Variants in DGAT2L6 observed in about 807,000 individuals in gnomAD.
The protein encoded by DGAT2L6 is diacylglycerol O-acyltransferase 2 like 6, also known as diacylglycerol O-acyltransferase 2-like protein 6.
A neutral mutation model predicts 25.5 loss-of-function variants in DGAT2L6; 22 were observed. That is an observed-to-expected ratio of 0.86 (90% CI 0.62 to 1.23). The LOEUF is 1.23. Ranked by LOEUF, DGAT2L6 falls within the 50% of genes most tolerant of loss-of-function variation. DGAT2L6 has a pLI of 0.00. For missense variants in DGAT2L6, 287 were observed against 253.2 expected (o/e 1.13, Z -0.91); for synonymous variants, 100 against 94.7 (o/e 1.06, Z -0.32).
intron 1 of DGAT2L6, among the ~76,000 whole-genome samples, chrX:70,191,253 C>T (rs1278542225): frequency 9.0e-6 from 1 of 111,422 alleles, no homozygotes; most frequent in Non-Finnish European, 1.9e-5. Flanking sequence ...AGAACACAGA[C>T]AACTGAACAA....
intron 1 of DGAT2L6, among the ~76,000 whole-genome samples, chrX:70,188,753 T>C (rs1243517573): frequency 9.0e-6 from 1 of 110,704 alleles, no homozygotes; most frequent in Non-Finnish European, 1.9e-5. Context: ...AATCCAGCAA[T>C]ACATTACAAA....
At chrX:70,178,823 G>A (rs1353846216) in intron 1 of DGAT2L6, among the ~76,000 whole-genome samples, 3 of 112,218 alleles carry the variant, frequency 2.7e-5, no homozygotes, top group Middle Eastern at 4.6e-3. Context: ...AATAAACCAC[G>A]AAGTGTTAGG....
chrX:70,196,486 C>CAAAAAAAAAAAAAAAAA (rs751597708), intron 1 of DGAT2L6, among the ~76,000 whole-genome samples: 16 of 26,065 alleles, frequency 6.1e-4, no homozygotes, highest in Non-Finnish European at 9.1e-4. Flanking sequence ...GATCCTGTCT[C>CAAAAAAAAAAAAAAAAA]AAAAAAAAAA....
At chrX:70,185,488 C>T (rs189147030) in intron 1 of DGAT2L6, among the ~76,000 whole-genome samples, 14 of 112,074 alleles carry the variant, frequency 1.2e-4, no homozygotes, top group African/African-American at 4.2e-4. Context: ...TTCTTAGTTT[C>T]TTCATCTGTA....
At chrX:70,198,850 A>G (rs1267052582) in intron 1 of DGAT2L6, among the ~76,000 whole-genome samples, 3 of 112,134 alleles carry the variant, frequency 2.7e-5, no homozygotes, top group Non-Finnish European at 5.6e-5. Flanking sequence ...AACAGCCTGT[A>G]CACTGCGGGT....
intron 1 of DGAT2L6, among the ~76,000 whole-genome samples, chrX:70,198,809 GT>G (rs776820118): frequency 1.8e-4 from 20 of 111,881 alleles, no homozygotes; most frequent in Admixed American, 8.5e-4. Context: ...AAGTGGAGTG[GT>G]TTTTAATCCG....
At chrX:70,198,506 G>A (rs188543292) in intron 1 of DGAT2L6, among the ~76,000 whole-genome samples, 128 of 110,815 alleles carry the variant, frequency 1.2e-3, no homozygotes, top group Non-Finnish European at 2.0e-3. Context: ...ACCTGGCCTA[G>A]TAGGGCAGTT....
At chrX:70,190,438 A>G (rs1490803377) in intron 1 of DGAT2L6, among the ~76,000 whole-genome samples, 1 of 111,890 alleles carries the variant, frequency 8.9e-6, no homozygotes, top group Admixed American at 9.5e-5. Context: ...ACACCAAGGA[A>G]GGCTGTTTTG....
chrX:70,201,186 C>G (rs1383995395), intron 4 of DGAT2L6, among the ~76,000 whole-genome samples: 1 of 112,036 alleles, frequency 8.9e-6, no homozygotes, highest in Non-Finnish European at 1.9e-5. Context: ...CCAGAGGATG[C>G]TTCTACTCTG....
chrX:70,188,995 AC>A (rs1356748465), intron 1 of DGAT2L6, among the ~76,000 whole-genome samples: 1 of 104,565 alleles, frequency 9.6e-6, no homozygotes, highest in African/African-American at 3.7e-5. Flanking sequence ...AAAAAAAAAA[AC>A]CCTACAGTTA....
rs369983719 is a variant in DGAT2L6 at position 70,199,899 on chromosome X, G to A, written c.267+17G>A. The A allele has an allele frequency of 4.1e-5, 49 of 1,199,062 alleles. No individual in the cohort carries two copies. Among genetic ancestry groups the A allele is most frequent in the Non-Finnish European group, 4.5e-5 (40 of 887,679 alleles). On this transcript the variant is annotated intron_variant, in intron 3 of 6. Transcript: ENST00000333026. ...CCAGTAAAGGTGACCACTCTTCCTC[G>A]GGGTGCCCTCAGTCCCTGTTGCCCA...
In DGAT2L6 at chrX:70,205,041, A is replaced by G; in HGVS notation, c.949A>G (p.Lys317Glu). The G allele has an allele frequency of 8.3e-7, 1 of 1,207,386 alleles. No homozygotes were observed. The highest frequency in any genetic ancestry group is 1.1e-6 in the Non-Finnish European group (1 of 893,806). Residue 317 changes from lysine to glutamate, a missense_variant, in exon 7 of 7, where the codon AAG becomes GAG. Physicochemically the swap from Lys to Glu is moderately conservative, Grantham distance 56 (BLOSUM62 1). Transcript: ENST00000333026. ...CGCACTCTACATCAGTGCCCTGCGC[A>G]AGCTCTTTGACCAACACAAAGTTGA... Reference protein sequence around the residue: ...YHALYISALRKLFDQHKVEYG... With the variant: ...YHALYISALRELFDQHKVEYG...
chrX:70,200,571 A>G, intron 4 of DGAT2L6, 112 bp downstream of exon 4: 1 of 715,967 alleles, frequency 1.4e-6, no homozygotes, highest in Non-Finnish European at 2.1e-6. Context: ...AAATAAGTCC[A>G]GGACACCCTG....
chrX:70,199,819 G>T lies in DGAT2L6; in HGVS notation c.204G>T (p.Arg68Ser). ...TCCCTTCTGTACCCACAGGTGGCAG[G>T]CGTTCAGCTTGGGTACGAAACTGGA... ...YDWNTHSQGG[R>S]RSAWVRNWTL... The change falls in exon 3 of 7, where the codon AGG (arginine) becomes AGT (serine). Residue 68 changes from arginine to serine, a missense_variant. Transcript: ENST00000333026. 1.7e-6 allele frequency: 2 copies of T among 1,211,059 alleles called. No homozygotes were observed. Among genetic ancestry groups the T allele is most frequent in the Non-Finnish European group, 2.2e-6 (2 of 895,101 alleles).
intron 5 of DGAT2L6, among the ~76,000 whole-genome samples, chrX:70,203,040 G>A (rs764727587): frequency 1.8e-5 from 2 of 111,808 alleles, no homozygotes; most frequent in South Asian, 7.4e-4. Context: ...CGGTTCCCTT[G>A]GAACACTATT....
intron 1 of DGAT2L6, among the ~76,000 whole-genome samples, chrX:70,182,391 T>C (rs1208877212): frequency 1.8e-5 from 2 of 109,157 alleles, no homozygotes; most frequent in Non-Finnish European, 3.8e-5. Context: ...AATATCCTTT[T>C]TCCTGATCGT....
chrX:70,201,862 T>C, intron 4 of DGAT2L6, 28 bp from the exon 5 acceptor site: 1 of 1,138,748 alleles, frequency 8.8e-7, no homozygotes, highest in Non-Finnish European at 1.2e-6. Flanking sequence ...ATGAAGTTTT[T>C]CTACCACTTG....
chrX:70,199,858 T>C lies in DGAT2L6; in HGVS notation c.243T>C (p.Tyr81=), dbSNP rs199868415. The C allele has an allele frequency of 2.9e-5, 35 of 1,208,968 alleles. No individual in the cohort carries two copies. In the East Asian group the frequency reaches 9.2e-4, roughly 32 times the overall value. The part of the protein sequence containing the change: ...AWVRNWTLWK[Y]FRNYFPVKLV... ...TACGAAACTGGACCCTATGGAAGTA[T>C]TTCCGAAATTACTTCCCAGTAAAGG... is the stretch of plus-strand genomic sequence containing the variant. Residue 81 remains tyrosine, a synonymous_variant, in exon 3 of 7, where the codon TAT becomes TAC. Transcript: ENST00000333026.
intron 4 of DGAT2L6, among the ~76,000 whole-genome samples, chrX:70,201,126 C>G (rs2085408921): frequency 9.0e-6 from 1 of 111,649 alleles, no homozygotes. Flanking sequence ...GCCAAACATC[C>G]AAAGGTAAGA....
Sources: gnomAD v4.1 joint callset for allele counts (sites outside exome capture counted in the v4.1 genomes callset) on GRCh38, gnomAD v4.1.1 for gene constraint, MANE v1.5 for transcripts, NCBI Gene and HGNC (gene_info 2026-07-23, HGNC 2026-07-21) for gene names.